The following EEIG2 variants were observed in gnomAD, a reference collection of about 807,000 sequenced individuals.
EEIG2 encodes EEIG family member 2.
At chr1:108,586,187 T>C in the EEIG2 span, among the ~76,000 whole-genome samples, 2 of 152,046 alleles carry the variant, frequency 1.3e-5, no homozygotes, top group Non-Finnish European at 2.9e-5. Flanking sequence ...CAGACATGCA[T>C]GCAGAAGACT....
At chr1:108,568,538 C>G in the EEIG2 span, among the ~76,000 whole-genome samples, 1 of 152,162 alleles carries the variant, frequency 6.6e-6, no homozygotes, top group Non-Finnish European at 1.5e-5. Context: ...TTGATTCTTA[C>G]AAAACCCCTT....
the EEIG2 span, among the ~76,000 whole-genome samples, chr1:108,589,591 T>G: frequency 6.6e-6 from 1 of 152,048 alleles, no homozygotes; most frequent in African/African-American, 2.4e-5. Flanking sequence ...CAACGTAATC[T>G]CCTTTGCTTC....
At chr1:108,628,998 G>T in the EEIG2 span, among the ~76,000 whole-genome samples, 10 of 152,140 alleles carry the variant, frequency 6.6e-5, no homozygotes, top group Admixed American at 6.5e-4. Context: ...TTTAGAAAAA[G>T]AACAAATGTT....
chr1:108,609,967 T>TA, the EEIG2 span, among the ~76,000 whole-genome samples: 1 of 152,118 alleles, frequency 6.6e-6, no homozygotes, highest in East Asian at 1.9e-4. Flanking sequence ...GCTTAATACC[T>TA]AGGCGATGGG....
the EEIG2 span, among the ~76,000 whole-genome samples, chr1:108,611,473 G>C: frequency 6.6e-6 from 1 of 152,198 alleles, no homozygotes; most frequent in Admixed American, 6.5e-5. Flanking sequence ...TAACAAGAAG[G>C]AACAGGTTTG....
chr1:108,606,215 T>A, the EEIG2 span: 1 of 1,551,470 alleles, frequency 6.4e-7, no homozygotes, highest in Non-Finnish European at 8.8e-7. Context: ...ATTTTCTGTC[T>A]TTGGCAGGAA....
At chr1:108,606,200 A>G in the EEIG2 span, 9 of 1,497,564 alleles carry the variant, frequency 6.0e-6, 1 homozygote, top group South Asian at 2.5e-5. Context: ...TGATATCCTT[A>G]TAGTATTTTC....
chr1:108,560,556 A>G, the EEIG2 span: 1 of 1,610,546 alleles, frequency 6.2e-7, no homozygotes, highest in Non-Finnish European at 8.5e-7. Context: ...TTCACCGCCG[A>G]GTCCTCCAGG....
the EEIG2 span, among the ~76,000 whole-genome samples, chr1:108,598,521 G>A: frequency 1.3e-5 from 2 of 151,846 alleles, no homozygotes; most frequent in African/African-American, 4.8e-5. Flanking sequence ...CACTTATCTC[G>A]CCTGCATTGT....
At chr1:108,590,204 A>G in the EEIG2 span, among the ~76,000 whole-genome samples, 1 of 152,146 alleles carries the variant, frequency 6.6e-6, no homozygotes, top group Admixed American at 6.5e-5. Flanking sequence ...AGCCAAAAAT[A>G]TCTCTGATGT....
chr1:108,629,467 G>A, the EEIG2 span: 1 of 661,424 alleles, frequency 1.5e-6, no homozygotes, highest in African/African-American at 1.9e-5. Context: ...TATAACTTTG[G>A]TTTTTAAGTT....
the EEIG2 span, among the ~76,000 whole-genome samples, chr1:108,574,241 C>T: frequency 6.7e-6 from 1 of 149,576 alleles, no homozygotes; most frequent in East Asian, 2.0e-4. Context: ...GGACATTATG[C>T]TAAATAAGCC....
At chr1:108,607,283 A>G in the EEIG2 span, among the ~76,000 whole-genome samples, 1 of 152,204 alleles carries the variant, frequency 6.6e-6, no homozygotes, top group African/African-American at 2.4e-5. Context: ...GTATGACAAA[A>G]ATCCAGCTGC....
At chr1:108,560,695 T>A in the EEIG2 span, 2 of 1,123,656 alleles carry the variant, frequency 1.8e-6, no homozygotes, top group South Asian at 3.2e-5. Context: ...AATTTATTGA[T>A]CTGCAAAGTG....
At chr1:108,628,089 A>G in the EEIG2 span, 1 of 1,242,778 alleles carries the variant, frequency 8.0e-7, no homozygotes, top group Non-Finnish European at 1.2e-6. Flanking sequence ...CAGAGTTTAT[A>G]AAGTCTGCAG....
At chr1:108,635,322 G>C in the EEIG2 span, 3 of 735,936 alleles carry the variant, frequency 4.1e-6, no homozygotes, top group Non-Finnish European at 6.7e-6. Flanking sequence ...GCCACCAAAG[G>C]GGAACATCTA....
chr1:108,563,113 C>A, the EEIG2 span, among the ~76,000 whole-genome samples: 1 of 152,170 alleles, frequency 6.6e-6, no homozygotes, highest in Non-Finnish European at 1.5e-5. Context: ...GGCCTATGTA[C>A]AAGGCTGGCC....
the EEIG2 span, among the ~76,000 whole-genome samples, chr1:108,567,453 A>G: frequency 6.6e-6 from 1 of 152,244 alleles, no homozygotes; most frequent in South Asian, 2.1e-4. Context: ...CTCAGCTAGT[A>G]AGTGGTAGAG....
At chr1:108,634,518 G>A in the EEIG2 span, among the ~76,000 whole-genome samples, 2 of 152,188 alleles carry the variant, frequency 1.3e-5, no homozygotes, top group African/African-American at 4.8e-5. Context: ...TTGGGAAATG[G>A]GTACCTGGTG....
Sources: gnomAD v4.1 joint callset for allele counts (sites outside exome capture counted in the v4.1 genomes callset) on GRCh38, gnomAD v4.1.1 for gene constraint, MANE v1.5 for transcripts, NCBI Gene and HGNC (gene_info 2026-07-23, HGNC 2026-07-21) for gene names.